The following GLI3 variants were observed in gnomAD, a reference collection of about 807,000 sequenced individuals.
GLI3 encodes the protein GLI family zinc finger 3, also known as transcription activator GLI3.
Under a neutral mutation model 100.8 loss-of-function variants are expected in GLI3, and 20 were observed. The ratio of observed to expected loss-of-function variants is 0.20; its 90% confidence interval spans 0.14 to 0.29. The LOEUF is 0.29. Among genes scored for constraint, GLI3 ranks in the 10% least tolerant of loss-of-function variants. The pLI, the probability that GLI3 is intolerant of heterozygous loss-of-function variation, is 1.00. For synonymous variants in GLI3, 938 were observed against 860.5 expected (o/e 1.09, Z -1.58); for missense variants, 2,040 against 2,128.5 (o/e 0.96, Z 0.82).
intron 10 of GLI3, among the ~76,000 whole-genome samples, chr7:41,998,077 C>T (rs1337209737): frequency 6.6e-6 from 1 of 151,842 alleles, no homozygotes; most frequent in African/African-American, 2.4e-5. Flanking sequence ...CTTTTTGGTT[C>T]ACATGTTGTC....
chr7:42,086,417 C>T (rs533958257), intron 3 of GLI3, among the ~76,000 whole-genome samples: 14 of 152,210 alleles, frequency 9.2e-5, no homozygotes, highest in South Asian at 4.2e-4. Flanking sequence ...AACTATACTC[C>T]CCACACCAGC....
chr7:42,067,145 T>G (rs937522869), intron 4 of GLI3, among the ~76,000 whole-genome samples: 1 of 152,342 alleles, frequency 6.6e-6, no homozygotes, highest in African/African-American at 2.4e-5. Context: ...GTTATATCCC[T>G]GGCAAATAAC....
chr7:42,048,161 C>A (rs1356033818), intron 5 of GLI3, among the ~76,000 whole-genome samples: 1 of 152,192 alleles, frequency 6.6e-6, no homozygotes, highest in Admixed American at 6.5e-5. Flanking sequence ...TGTGAAGCAG[C>A]AGAACAGAAC....
intron 3 of GLI3, among the ~76,000 whole-genome samples, chr7:42,114,214 T>C (rs528249860): frequency 6.6e-6 from 1 of 152,228 alleles, no homozygotes; most frequent in Non-Finnish European, 1.5e-5. Flanking sequence ...TTAAACAACA[T>C]GCTAAATGCG....
chr7:42,221,651 G>A (rs1365684470), intron 2 of GLI3, among the ~76,000 whole-genome samples: 2 of 152,052 alleles, frequency 1.3e-5, no homozygotes, highest in African/African-American at 4.8e-5. Flanking sequence ...CATTTATTCC[G>A]ACAGAATTAC....
intron 1 of GLI3, among the ~76,000 whole-genome samples, chr7:42,245,456 G>C (rs886552002): frequency 6.6e-6 from 1 of 152,044 alleles, no homozygotes; most frequent in Non-Finnish European, 1.5e-5. Flanking sequence ...GAGGCGGGTG[G>C]ATCATGAGGT....
chr7:42,065,855 T>C (rs1784663507), intron 4 of GLI3, among the ~76,000 whole-genome samples: 2 of 152,174 alleles, frequency 1.3e-5, no homozygotes, highest in South Asian at 4.1e-4. Flanking sequence ...GTAGCCTCTT[T>C]CACTGATTTT....
At chr7:42,063,905 A>G (rs951322012) in intron 4 of GLI3, among the ~76,000 whole-genome samples, 2 of 152,222 alleles carry the variant, frequency 1.3e-5, no homozygotes, top group African/African-American at 4.8e-5. Context: ...AAACTGCCCC[A>G]AACCAGATAC....
chr7:42,151,131 G>A (rs1441838221), intron 2 of GLI3: 1 of 152,076 alleles, frequency 6.6e-6, no homozygotes, highest in East Asian at 1.9e-4. Flanking sequence ...ACTTCCATCA[G>A]GAAACTTGCT....
intron 6 of GLI3, 113 bp downstream of exon 6, chr7:42,045,271 T>C: frequency 9.5e-7 from 1 of 1,047,688 alleles, no homozygotes; most frequent in Non-Finnish European, 1.5e-6. Context: ...GGTTCCACTT[T>C]CTCCTCCAGA....
chr7:42,116,341 C>CA, intron 3 of GLI3, among the ~76,000 whole-genome samples: 1 of 152,056 alleles, frequency 6.6e-6, no homozygotes, highest in East Asian at 1.9e-4. Flanking sequence ...ACCCAGGAAA[C>CA]AGAGGGGAGA....
chr7:42,170,268 AT>A (rs1787340296), intron 2 of GLI3, among the ~76,000 whole-genome samples: 5 of 23,504 alleles, frequency 2.1e-4, no homozygotes, highest in African/African-American at 1.7e-3. Flanking sequence ...AAAAAAAATT[AT>A]ATATATATAT....
At chr7:42,249,420 T>C (rs1789008315) in intron 1 of GLI3, among the ~76,000 whole-genome samples, 1 of 152,202 alleles carries the variant, frequency 6.6e-6, no homozygotes, top group Non-Finnish European at 1.5e-5. Context: ...GAAATCATCC[T>C]AAGCTTGTCA....
intron 4 of GLI3, among the ~76,000 whole-genome samples, chr7:42,053,955 G>GCCCCATTAT (rs991995986): frequency 2.4e-4 from 37 of 152,208 alleles, no homozygotes; most frequent in African/African-American, 7.9e-4. Context: ...GATGTGCCTC[G>GCCCCATTAT]CCCCATTATC....
At chr7:42,173,167 A>G (rs1787411156) in intron 2 of GLI3, among the ~76,000 whole-genome samples, 1 of 152,194 alleles carries the variant, frequency 6.6e-6, no homozygotes, top group African/African-American at 2.4e-5. Flanking sequence ...GCTGACTTGG[A>G]GAGATGCAAC....
intron 1 of GLI3, among the ~76,000 whole-genome samples, chr7:42,248,946 T>C (rs1312743941): frequency 6.6e-6 from 1 of 152,000 alleles, no homozygotes; most frequent in Non-Finnish European, 1.5e-5. Context: ...TTCACCATGT[T>C]GGCTAGGCTG....
chr7:42,244,807 A>G lies in GLI3; in HGVS notation c.-43+19187T>C, dbSNP rs1206674336. Among the ~76,000 whole-genome samples, 11 of 152,364 alleles carry G rather than the reference A, an allele frequency of 7.2e-5. No individual in the cohort carries two copies. In the East Asian group the frequency reaches 2.1e-3, roughly 29 times the overall value. On this transcript the variant is annotated intron_variant, in intron 1 of 2. Transcript: ENST00000678978. ...GAAGGATCCCAGCCATGAAGAATTC[A>G]TTCAAGCTTGCCCAAATAAGAGAGA...
chr7:42,088,634 C>A (rs1255731166), intron 3 of GLI3, among the ~76,000 whole-genome samples: 1 of 152,238 alleles, frequency 6.6e-6, no homozygotes, highest in Non-Finnish European at 1.5e-5. Context: ...GCCCACTCTT[C>A]CCCTCCATGA....
At chr7:42,147,895 T>C (rs1371423296) in intron 3 of GLI3, among the ~76,000 whole-genome samples, 2 of 152,162 alleles carry the variant, frequency 1.3e-5, no homozygotes, top group African/African-American at 4.8e-5. Context: ...ATTTTTCTCC[T>C]GCAGCATCTG....
Sources: gnomAD v4.1 joint callset for allele counts (sites outside exome capture counted in the v4.1 genomes callset) on GRCh38, gnomAD v4.1.1 for gene constraint, MANE v1.5 for transcripts, NCBI Gene and HGNC (gene_info 2026-07-23, HGNC 2026-07-21) for gene names.